HDAC9: variants seen among roughly 807,000 people sequenced by gnomAD.
HDAC9 encodes histone deacetylase 9, also known as MEF-2 interacting transcription repressor (MITR) protein.
HDAC9 carries 41 observed loss-of-function variants against 139.4 expected under a neutral mutation model. The observed-to-expected ratio is 0.29, with a 90% CI of 0.23 to 0.38. The LOEUF is 0.38. HDAC9 is among the 10% of genes least tolerant of loss of function. HDAC9 has a pLI of 1.00. For synonymous variants in HDAC9, 517 were observed against 476.2 expected, an observed-to-expected ratio of 1.09 and a Z score of -1.12; for missense variants, 1,147 against 1,297.0, an observed-to-expected ratio of 0.88 and a Z score of 1.78.
At chr7:18,430,054 C>T (rs1013878953) in intron 1 of HDAC9, among the ~76,000 whole-genome samples, 3 of 151,974 alleles carry the variant, frequency 2.0e-5, no homozygotes, top group African/African-American at 7.3e-5. Context: ...GAATATCATC[C>T]TTTTTTGATA....
intron 6 of HDAC9, among the ~76,000 whole-genome samples, chr7:18,615,580 A>T (rs1051070345): frequency 6.6e-6 from 1 of 152,202 alleles, no homozygotes; most frequent in Non-Finnish European, 1.5e-5. Flanking sequence ...AAACAAATAC[A>T]TTAATAAAAC....
chr7:18,990,744 C>T (rs1785837644), intron 25 of HDAC9, among the ~76,000 whole-genome samples: 1 of 152,234 alleles, frequency 6.6e-6, no homozygotes, highest in African/African-American at 2.4e-5. Flanking sequence ...GGGATATAAT[C>T]TCCTGGTGCG....
chr7:18,543,142 A>G (rs1390044314), intron 2 of HDAC9: 2 of 152,166 alleles, frequency 1.3e-5, no homozygotes, highest in African/African-American at 4.8e-5. Context: ...GACCCTGTGT[A>G]TTTATCGAGT....
chr7:18,250,521 G>T (rs1282828802), intron 2 of HDAC9, among the ~76,000 whole-genome samples: 7 of 152,160 alleles, frequency 4.6e-5, no homozygotes, highest in African/African-American at 1.7e-4. Flanking sequence ...TTCCTTGGTA[G>T]TCTATCACCA....
chr7:18,618,486 G>A (rs141040301), intron 6 of HDAC9, among the ~76,000 whole-genome samples: 3 of 151,900 alleles, frequency 2.0e-5, no homozygotes, highest in Non-Finnish European at 2.9e-5. Context: ...GACCTATAAC[G>A]TTTTCTGGGA....
chr7:18,306,337 T>A (rs527327285), intron 1 of HDAC9, among the ~76,000 whole-genome samples: 1 of 152,292 alleles, frequency 6.6e-6, no homozygotes, highest in South Asian at 2.1e-4. Flanking sequence ...CAGTTAGAAG[T>A]CAATGTCTGG....
intron 3 of HDAC9, among the ~76,000 whole-genome samples, chr7:18,587,611 T>G (rs763300093): frequency 3.9e-5 from 6 of 152,206 alleles, no homozygotes; most frequent in Non-Finnish European, 8.8e-5. Flanking sequence ...AGTTAGATGC[T>G]GTTATTCCAT....
intron 2 of HDAC9, among the ~76,000 whole-genome samples, chr7:18,532,455 A>C (rs1809349852): frequency 6.6e-6 from 1 of 152,292 alleles, no homozygotes; most frequent in Middle Eastern, 3.4e-3. Context: ...CTAATTATTC[A>C]TTTAAAATAT....
chr7:18,835,642 T>A, intron 20 of HDAC9, 56 bp downstream of exon 20: 1 of 1,598,188 alleles, frequency 6.3e-7, no homozygotes, highest in Middle Eastern at 1.7e-4. Context: ...GGTAATTGCA[T>A]TGCATGATTA....
chr7:18,152,385 G>C (rs1786846245), intron 1 of HDAC9, among the ~76,000 whole-genome samples: 1 of 152,144 alleles, frequency 6.6e-6, no homozygotes, highest in South Asian at 2.1e-4. Context: ...TCCAAAGTCA[G>C]GGTTCTTTTC....
chr7:18,916,870 GTTCT>G (rs1803255839), intron 22 of HDAC9, among the ~76,000 whole-genome samples: 1 of 152,006 alleles, frequency 6.6e-6, no homozygotes, highest in Non-Finnish European at 1.5e-5. Context: ...ATGGGCTTGG[GTTCT>G]TTCTTTTCTC....
At chr7:18,907,721 A>G (rs1802390032) in intron 22 of HDAC9, among the ~76,000 whole-genome samples, 1 of 152,134 alleles carries the variant, frequency 6.6e-6, no homozygotes, top group Non-Finnish European at 1.5e-5. Context: ...AAACTCACCA[A>G]AGGGCAAACT....
chr7:18,530,965 C>G (rs1022884836), intron 2 of HDAC9, among the ~76,000 whole-genome samples: 1 of 151,888 alleles, frequency 6.6e-6, no homozygotes, highest in African/African-American at 2.4e-5. Context: ...TTTCAGTACT[C>G]CAGCCCTGCC....
rs565244588 is a variant in HDAC9 at position 18,187,530 on chromosome 7, C to G, written c.25+25181C>G. ...CCTGTGGTTAAAACCATGGCACCATCTTTAAAACTCTTAACTCTATTCCCC... is the reference window on the plus strand; with the variant it reads ...CCTGTGGTTAAAACCATGGCACCATGTTTAAAACTCTTAACTCTATTCCCC... On this transcript the variant is annotated intron_variant, in intron 2 of 12. Transcript: ENST00000417496. Among the ~76,000 whole-genome samples, 5 of 152,294 alleles carry G rather than the reference C, an allele frequency of 3.3e-5. No homozygotes were observed. In the East Asian group the frequency reaches 5.8e-4, roughly 18 times the overall value.
rs56386866 is a variant in HDAC9 at position 18,440,995 on chromosome 7, C to T, written c.-41-55267C>T. On this transcript the variant is annotated intron_variant, in intron 1 of 3. Transcript: ENST00000413509. Reference sequence around the variant, plus strand: ...AGTGCATTAGGGACACGAGATTTGGCTTCTAGTTCCAGATTTATCACTGTG... The same window carrying T: ...AGTGCATTAGGGACACGAGATTTGGTTTCTAGTTCCAGATTTATCACTGTG... Among the ~76,000 whole-genome samples the T allele has an allele frequency of 1.5e-3, 233 of 152,284 alleles. 1 individual carries two copies. The highest frequency in any genetic ancestry group is 5.4e-3 in the African/African-American group (226 of 41,554).
intron 24 of HDAC9, among the ~76,000 whole-genome samples, chr7:18,963,443 T>C (rs188936902): frequency 1.1e-4 from 16 of 152,172 alleles, no homozygotes; most frequent in Non-Finnish European, 1.5e-4. Flanking sequence ...AATACATAAA[T>C]ACATACATAT....
intron 12 of HDAC9, 101 bp from the exon 13 acceptor site, chr7:18,727,479 T>C (rs1785641774): frequency 3.2e-6 from 3 of 940,658 alleles, no homozygotes; most frequent in Non-Finnish European, 4.6e-6. Context: ...CCGTTTATTA[T>C]GTCTCTGACC....
At chr7:18,182,217 A>T (rs1789497890) in intron 2 of HDAC9, among the ~76,000 whole-genome samples, 1 of 152,206 alleles carries the variant, frequency 6.6e-6, no homozygotes, top group Non-Finnish European at 1.5e-5. Context: ...TTGTGAAGGT[A>T]TATTTTTTCA....
At chr7:18,476,931 C>G (rs1284987549) in intron 1 of HDAC9, among the ~76,000 whole-genome samples, 2 of 152,146 alleles carry the variant, frequency 1.3e-5, no homozygotes, top group African/African-American at 4.8e-5. Flanking sequence ...GTCTCATGTT[C>G]CATGCCAAAT....
Sources: allele counts gnomAD v4.1 joint callset (sites outside exome capture counted in the v4.1 genomes callset), GRCh38; gene constraint gnomAD v4.1.1; transcripts MANE v1.5; gene names NCBI Gene and HGNC (gene_info 2026-07-23, HGNC 2026-07-21).